Variants in NKAIN3 observed in about 807,000 individuals in gnomAD.
NKAIN3 encodes the protein sodium/potassium transporting ATPase interacting 3, also known as sodium/potassium-transporting ATPase subunit beta-1-interacting protein 3.
NKAIN3 carries 25 observed loss-of-function variants against 30.2 expected under a neutral mutation model. The ratio of observed to expected loss-of-function variants is 0.83; its 90% confidence interval spans 0.60 to 1.16. NKAIN3 has a LOEUF of 1.16. NKAIN3 is among the 50% of genes most tolerant of loss of function. The probability of loss-of-function intolerance (pLI) is 0.00; values close to 1 mark genes in which losing one functional copy is unlikely to be tolerated. For synonymous variants in NKAIN3, 91 were observed against 89.6 expected, an observed-to-expected ratio of 1.02 and a Z score of -0.09; for missense variants, 225 against 254.1, an observed-to-expected ratio of 0.89 and a Z score of 0.78.
intron 4 of NKAIN3, among the ~76,000 whole-genome samples, chr8:62,890,554 C>T (rs1040910407): frequency 1.3e-5 from 2 of 152,192 alleles, no homozygotes; most frequent in African/African-American, 4.8e-5. Context: ...TTCCTCTGTG[C>T]TCCTTATACA....
At chr8:62,724,376 T>C (rs1343607459) in intron 3 of NKAIN3, among the ~76,000 whole-genome samples, 1 of 152,134 alleles carries the variant, frequency 6.6e-6, no homozygotes, top group Non-Finnish European at 1.5e-5. Flanking sequence ...TTATCTTTGC[T>C]TTGTGTTATC....
At chr8:62,484,092 G>A (rs1806824312) in intron 1 of NKAIN3, among the ~76,000 whole-genome samples, 1 of 152,180 alleles carries the variant, frequency 6.6e-6, no homozygotes, top group Non-Finnish European at 1.5e-5. Context: ...TTCAAGCTCT[G>A]TACTGGCTTC....
intron 3 of NKAIN3, among the ~76,000 whole-genome samples, chr8:62,675,166 T>C (rs1813436188): frequency 6.6e-6 from 1 of 152,192 alleles, no homozygotes; most frequent in Non-Finnish European, 1.5e-5. Flanking sequence ...GATTATTACA[T>C]GCATTAATAT....
At chr8:62,874,831 C>A (rs1483227001) in intron 4 of NKAIN3, among the ~76,000 whole-genome samples, 4 of 152,090 alleles carry the variant, frequency 2.6e-5, no homozygotes, top group African/African-American at 4.8e-5. Context: ...ATAATAGGAG[C>A]TATTTATGAC....
intron 4 of NKAIN3, among the ~76,000 whole-genome samples, chr8:62,779,238 C>G (rs150986239): frequency 3.0e-4 from 46 of 152,204 alleles, no homozygotes; most frequent in Non-Finnish European, 1.3e-4. Flanking sequence ...AGGTCACATG[C>G]TCCCCAAGTT....
chr8:62,319,106 C>G (rs1436331694), intron 1 of NKAIN3, among the ~76,000 whole-genome samples: 1 of 152,142 alleles, frequency 6.6e-6, no homozygotes, highest in African/African-American at 2.4e-5. Context: ...TCTAGATTTT[C>G]TAGTTTATTT....
rs78298417 is a variant in NKAIN3 at position 62,607,468 on chromosome 8, C to A, written c.273+17674C>A. Among the ~76,000 whole-genome samples, 50 of 152,174 alleles carry A rather than the reference C, an allele frequency of 3.3e-4. No homozygotes were observed. In the East Asian group the frequency reaches 8.9e-3, roughly 27 times the overall value. On this transcript the variant is annotated intron_variant, in intron 3 of 6. Coordinates refer to ENST00000623646, the MANE Select transcript of NKAIN3 (RefSeq NM_001304533.3). ...GCTTGAATGCACTTGGTGTTCATGA[C>A]AGTATGGTGATGAGCTTTTATTTCT...
chr8:62,806,658 G>C (rs904389268), intron 4 of NKAIN3, among the ~76,000 whole-genome samples: 1 of 151,990 alleles, frequency 6.6e-6, no homozygotes, highest in Non-Finnish European at 1.5e-5. Flanking sequence ...CTGTTGTGGG[G>C]TCGCGGGAGT....
intron 4 of NKAIN3, chr8:62,855,176 TG>T (rs1227853150): frequency 1.2e-5 from 3 of 260,728 alleles, no homozygotes; most frequent in South Asian, 1.1e-4. Flanking sequence ...GCCTCAAAAA[TG>T]TAAAGTCCCT....
intron 1 of NKAIN3, among the ~76,000 whole-genome samples, chr8:62,367,829 A>G (rs1816785859): frequency 6.6e-6 from 1 of 152,122 alleles, no homozygotes; most frequent in Non-Finnish European, 1.5e-5. Context: ...ACAATCTTAT[A>G]TATAGAAAAC....
chr8:62,828,312 T>A (rs1263717120), intron 4 of NKAIN3, among the ~76,000 whole-genome samples: 1 of 152,116 alleles, frequency 6.6e-6, no homozygotes, highest in East Asian at 1.9e-4. Flanking sequence ...GATAAAACTG[T>A]CTTGAGCCTA....
At chr8:62,919,998 A>T (rs999668321) in intron 5 of NKAIN3, among the ~76,000 whole-genome samples, 4 of 151,674 alleles carry the variant, frequency 2.6e-5, no homozygotes, top group Non-Finnish European at 4.4e-5. Flanking sequence ...TTTGAGGTTA[A>T]CTTCAAATCT....
At chr8:62,691,838 A>G (rs1813977571) in intron 3 of NKAIN3, among the ~76,000 whole-genome samples, 1 of 152,216 alleles carries the variant, frequency 6.6e-6, no homozygotes, top group African/African-American at 2.4e-5. Context: ...ACATTAAAAC[A>G]TAGTAGCCTG....
chr8:62,294,104 G>C (rs1813748414), intron 1 of NKAIN3, among the ~76,000 whole-genome samples: 1 of 152,168 alleles, frequency 6.6e-6, no homozygotes, highest in Non-Finnish European at 1.5e-5. Flanking sequence ...TATTAGGGTG[G>C]GAGTGTTCTG....
chr8:62,921,049 C>A (rs1822260862), intron 5 of NKAIN3, among the ~76,000 whole-genome samples: 1 of 152,156 alleles, frequency 6.6e-6, no homozygotes, highest in Non-Finnish European at 1.5e-5. Flanking sequence ...ATCTCATACA[C>A]TAGTACTATT....
At chr8:62,371,804 A>G (rs1585733730) in intron 1 of NKAIN3, among the ~76,000 whole-genome samples, 1 of 151,904 alleles carries the variant, frequency 6.6e-6, no homozygotes, top group East Asian at 1.9e-4. Flanking sequence ...TGCTGTTTCT[A>G]GTTTCAGACT....
At chr8:62,315,288 T>G (rs1034692705) in intron 1 of NKAIN3, among the ~76,000 whole-genome samples, 2 of 152,178 alleles carry the variant, frequency 1.3e-5, no homozygotes, top group African/African-American at 4.8e-5. Flanking sequence ...CAAATTGTAG[T>G]GTAAACATAA....
chr8:62,392,061 C>CTA (rs1817599889), intron 1 of NKAIN3, among the ~76,000 whole-genome samples: 1 of 151,794 alleles, frequency 6.6e-6, no homozygotes, highest in Non-Finnish European at 1.5e-5. Context: ...TAATTAAAGC[C>CTA]CTAAAAAGTA....
chr8:62,999,130 G>A (rs997119220), intron 5 of NKAIN3: 1 of 152,162 alleles, frequency 6.6e-6, no homozygotes, highest in Non-Finnish European at 1.5e-5. Context: ...CTTATCAGAT[G>A]TATGGTGTGT....
Sources: gnomAD v4.1 joint callset for allele counts (sites outside exome capture counted in the v4.1 genomes callset) on GRCh38, gnomAD v4.1.1 for gene constraint, MANE v1.5 for transcripts, NCBI Gene and HGNC (gene_info 2026-07-23, HGNC 2026-07-21) for gene names.